Variants in SLC27A5 observed in about 807,000 individuals in gnomAD.
The protein encoded by SLC27A5 is long-chain fatty acid transport protein 5.
In SLC27A5, 47 loss-of-function variants were observed where a neutral mutation model predicts 63.1. The ratio of observed to expected loss-of-function variants is 0.74; its 90% CI spans 0.59 to 0.95. The LOEUF (loss-of-function observed/expected upper bound fraction) is 0.95. SLC27A5 is among the 40% of genes least tolerant of loss of function. The pLI, the probability that SLC27A5 is intolerant of heterozygous loss-of-function variation, is 0.00. For missense variants in SLC27A5, 940 were observed against 921.0 expected, an observed-to-expected ratio of 1.02 and a Z score of -0.27; for synonymous variants, 391 against 403.8, an observed-to-expected ratio of 0.97 and a Z score of 0.38.
chr19:58,505,861 A>C lies in SLC27A5; in HGVS notation c.1057+3986T>G, dbSNP rs150895140. 6.4e-3 allele frequency among the ~76,000 whole-genome samples: 961 copies of C among 151,036 alleles called. 5 individuals are homozygous for C. The highest frequency in any genetic ancestry group is 0.022 in the African/African-American group (920 of 41,118). On this transcript the variant is annotated intron_variant, in intron 3 of 9. Coordinates refer to ENST00000263093, the MANE Select transcript of SLC27A5 (RefSeq NM_012254.3). ...GAAACCCCGACTCAAAAAAAAAAAA[A>C]AAAACATTTGGCCGGGCACGGTAGT...
chr19:58,502,153 C>CAGTT (rs1161909040), intron 3 of SLC27A5, among the ~76,000 whole-genome samples: 1 of 151,152 alleles, frequency 6.6e-6, no homozygotes, highest in Non-Finnish European at 1.5e-5. Flanking sequence ...GGTGGGTGGA[C>CAGTT]AGAGTAGTGA....
chr19:58,503,599 G>C (rs564777813), intron 3 of SLC27A5, among the ~76,000 whole-genome samples: 2 of 151,860 alleles, frequency 1.3e-5, no homozygotes, highest in African/African-American at 4.8e-5. Context: ...GGAGGGGGAG[G>C]CTGTAGTGAG....
Position 58,498,411 on chromosome 19 carries a change from T to C in SLC27A5, c.*104A>G, listed in dbSNP as rs989769266. On this transcript the variant is annotated 3_prime_UTR_variant, in exon 10 of 10. Transcript: ENST00000263093. Reference sequence around the variant, plus strand: ...TTCCAGCCCACTGAGGTTGAGGGTATGGCCAGGCTGGGATTCACACAGGCC... The same window carrying C: ...TTCCAGCCCACTGAGGTTGAGGGTACGGCCAGGCTGGGATTCACACAGGCC... The C allele has an allele frequency of 4.7e-5, 57 of 1,209,352 alleles. No homozygotes were observed. The highest frequency in any genetic ancestry group is 6.3e-5 in the Non-Finnish European group (55 of 877,534). The allele number at this position is 1,209,352 out of a possible 1,614,324, so 74.9% of individuals were successfully genotyped here. A position where few individuals can be genotyped will look rare whatever the true frequency, so the allele number is the denominator to read the frequency against.
At chr19:58,505,919 G>A (rs887908778) in intron 3 of SLC27A5, among the ~76,000 whole-genome samples, 8 of 151,310 alleles carry the variant, frequency 5.3e-5, no homozygotes, top group Admixed American at 1.3e-4. Context: ...TTGGGAGGCC[G>A]AGGCGGGCGG....
chr19:58,510,677 C>A, intron 2 of SLC27A5, 44 bp downstream of exon 2: 1 of 1,511,142 alleles, frequency 6.6e-7, no homozygotes, highest in Non-Finnish European at 8.9e-7. Flanking sequence ...TCAGGTCAGC[C>A]TGAGAGTTCA....
intron 3 of SLC27A5, chr19:58,509,035 C>G (rs2053379442): frequency 6.6e-6 from 1 of 151,318 alleles, no homozygotes; most frequent in Non-Finnish European, 1.5e-5. Flanking sequence ...CGAGATCATG[C>G]CACCGCACTC....
intron 7 of SLC27A5, 98 bp downstream of exon 7, chr19:58,499,394 C>G: frequency 1.4e-6 from 2 of 1,424,806 alleles, no homozygotes; most frequent in Middle Eastern, 1.9e-4. Flanking sequence ...CGCCCTCTTA[C>G]GACAGGAAAG....
Position 58,510,133 on chromosome 19 carries a change from A to T in SLC27A5, c.899-128T>A. On this transcript the variant is annotated intron_variant, in intron 2 of 9. Coordinates refer to ENST00000263093, the MANE Select transcript of SLC27A5 (RefSeq NM_012254.3). ...TGAGGCTCTCAGAGAACAGTCAAGT[A>T]TAGGGATTTGTGGTTGGGTTCACAG... 9 of 927,614 alleles carry T rather than the reference A, an allele frequency of 9.7e-6. No homozygotes were observed. In the South Asian group the frequency reaches 1.7e-4, roughly 17 times the overall value. 57.5% of individuals were successfully genotyped at this position (927,614 alleles called of 1,614,324 possible). A position where few individuals can be genotyped will look rare whatever the true frequency, so the allele number is the denominator to read the frequency against.
At chr19:58,510,026 A>C (rs2122526708) in intron 2 of SLC27A5, 21 bp from the exon 3 acceptor site, 1 of 1,609,084 alleles carries the variant, frequency 6.2e-7, no homozygotes, top group Non-Finnish European at 8.5e-7. Context: ...AGGCATGGCA[A>C]GGGCAGGGTG....
In SLC27A5 at chr19:58,500,644, C is replaced by T. The variant is rs1021714332; in HGVS notation, c.1245G>A (p.Val415=). The change falls in exon 5 of 10, where the codon GTG becomes GTA. Residue 415 remains valine, a synonymous_variant. Coordinates refer to ENST00000263093, the MANE Select transcript of SLC27A5 (RefSeq NM_012254.3). ...LAMGNGLRAD[V]WETFQQRFGP... ...CGAAGCGCTGCTGGAAGGTCTCCCA[C>T]ACATCAGCCCGTAGTCCATTGCCCA... 2.5e-6 allele frequency: 4 copies of T among 1,614,176 alleles called. No individual in the cohort carries two copies.
At position 58,509,847 on chromosome 19, in the gene SLC27A5, C is replaced by T. The variant is rs1233709023; in HGVS notation, c.1057G>A (p.Gly353Arg). The change falls in exon 3 of 10, where the codon GGA (glycine) becomes AGA (arginine). Residue 353 changes from glycine (G) to arginine (R), a missense_variant and splice_region_variant. Physicochemically the swap from Gly to Arg is moderately radical, Grantham distance 125 (BLOSUM62 -2). Coordinates refer to ENST00000263093, the MANE Select transcript of SLC27A5 (RefSeq NM_012254.3). ...GAGGGATCCTCAGAAGTGGGCTTAC[C>T]GAGATCTAAGCAGCCGAGGATCCCA... Reference protein sequence around the residue: ...VVGILGCLDLGATCVLAPKFS... With the variant: ...VVGILGCLDLRATCVLAPKFS... 7.5e-6 allele frequency: 12 copies of T among 1,610,566 alleles called. No individual in the cohort carries two copies. The highest frequency in any genetic ancestry group is 2.7e-5 in the African/African-American group (2 of 74,862).
rs2122483078 is a variant in SLC27A5 at position 58,498,651 on chromosome 19, G to C, written c.1937C>G (p.Thr646Ser). The C allele has an allele frequency of 6.2e-6, 10 of 1,614,118 alleles. No individual in the cohort carries two copies. The highest frequency in any genetic ancestry group is 1.6e-4 in the Middle Eastern group (1 of 6,062). ...EVTSTFKLMKTRLVREGFNVG... is the reference protein window; with the variant it reads ...EVTSTFKLMKSRLVREGFNVG... ...ATTGAAGCCCTCACGCACCAACCGG[G>C]TCTTCATCAGTTTGAACGTGCTGGT... Residue 646 changes from threonine to serine, a missense_variant, in exon 10 of 10, where the codon ACC becomes AGC. By Grantham distance (58) the Thr-to-Ser change is moderately conservative (BLOSUM62 1). Transcript: ENST00000263093.
chr19:58,498,971 C>T (rs1355539440), intron 8 of SLC27A5, 56 bp from the exon 9 acceptor site: 2 of 1,593,214 alleles, frequency 1.3e-6, no homozygotes, highest in Non-Finnish European at 1.7e-6. Context: ...CATAGCTGAC[C>T]CTCCAGCCTC....
chr19:58,499,092 G>A (rs765593428), intron 8 of SLC27A5, 31 bp downstream of exon 8: 16 of 1,612,042 alleles, frequency 9.9e-6, no homozygotes, highest in Non-Finnish European at 1.4e-5. Flanking sequence ...CCACAAAGCT[G>A]TTGGAAGTTT....
At position 58,509,998 on chromosome 19, in the gene SLC27A5, C is replaced by CA. The variant is rs1158340607; in HGVS notation, c.905_906insT (p.Lys303GlufsTer8). The CA allele has an allele frequency of 4.0e-5, 64 of 1,613,116 alleles. No homozygotes were observed. The highest frequency in any genetic ancestry group is 5.4e-5 in the Non-Finnish European group (64 of 1,179,632). On this transcript the variant is annotated frameshift_variant, in exon 3 of 10. Coordinates refer to ENST00000263093, the MANE Select transcript of SLC27A5 (RefSeq NM_012254.3). LOFTEE classifies it high-confidence loss of function. ...GCTCATGCGTGAGGATGGCTGGCTT[C>CA]GGGAGGCCTTGGGATGAAGGCATGG...
At position 58,510,019 on chromosome 19, in the gene SLC27A5, C is replaced by A; in HGVS notation, c.899-14G>T. 6.2e-7 allele frequency: 1 copy of A among 1,610,524 alleles called. No homozygotes were observed. The highest frequency in any genetic ancestry group is 8.5e-7 in the Non-Finnish European group (1 of 1,178,320). ...GCTTCGGGAGGCCTTGGGATGAAGG[C>A]ATGGCAAGGGCAGGGTGGTGACATG... On this transcript the variant is annotated splice_polypyrimidine_tract_variant and intron_variant, in intron 2 of 9. Transcript: ENST00000263093.
At chr19:58,506,384 C>G (rs918327338) in intron 3 of SLC27A5, among the ~76,000 whole-genome samples, 1 of 152,026 alleles carries the variant, frequency 6.6e-6, no homozygotes, top group Non-Finnish European at 1.5e-5. Flanking sequence ...AGAATACAAA[C>G]ATTAGCCAGG....
In SLC27A5 at chr19:58,501,425, G is replaced by A. The variant is rs2053272683; in HGVS notation, c.1058-15C>T. The A allele has an allele frequency of 1.2e-6, 2 of 1,611,040 alleles. No homozygotes were observed. The highest frequency in any genetic ancestry group is 1.3e-5 in the African/African-American group (1 of 74,778). ...ACAGGTGGCTCCTGGGAGATGACAG[G>A]AGAGGGGGTTTCAGGTCATGCTTCC... On this transcript the variant is annotated splice_polypyrimidine_tract_variant and intron_variant, in intron 3 of 9. Coordinates refer to ENST00000263093, the MANE Select transcript of SLC27A5 (RefSeq NM_012254.3).
intron 6 of SLC27A5, 29 bp downstream of exon 6, chr19:58,500,310 A>G: frequency 6.3e-6 from 10 of 1,594,330 alleles, no homozygotes; most frequent in Non-Finnish European, 8.6e-6. Context: ...CACCCCTGCC[A>G]CCCAGGAAAG....
Sources: allele counts gnomAD v4.1 joint callset (sites outside exome capture counted in the v4.1 genomes callset), GRCh38; gene constraint gnomAD v4.1.1; transcripts MANE v1.5; gene names NCBI Gene and HGNC (gene_info 2026-07-23, HGNC 2026-07-21).